PLEKHH2: variants seen among roughly 807,000 people sequenced by gnomAD.
The protein encoded by PLEKHH2 is pleckstrin homology, MyTH4 and FERM domain containing H2, also known as pleckstrin homology domain-containing family H member 2.
Under a neutral mutation model 187.9 loss-of-function variants are expected in PLEKHH2, and 129 were observed. The observed-to-expected ratio is 0.69, with a 90% CI of 0.59 to 0.79. PLEKHH2 has a LOEUF of 0.79. PLEKHH2 is among the 30% of genes least tolerant of loss of function. The pLI is 0.00. For synonymous variants in PLEKHH2, 686 were observed against 605.6 expected, an observed-to-expected ratio of 1.13 and a Z score of -1.95; for missense variants, 2,076 against 1,751.2, an observed-to-expected ratio of 1.19 and a Z score of -3.31.
chr2:43,711,027 T>C, intron 14 of PLEKHH2: 3 of 994,438 alleles, frequency 3.0e-6, no homozygotes, highest in African/African-American at 1.7e-5. Context: ...AATATATTGG[T>C]GAGCAGAGGG....
intron 26 of PLEKHH2, 27 bp downstream of exon 26, chr2:43,757,291 A>G (rs1220331381): frequency 2.7e-6 from 4 of 1,487,502 alleles, no homozygotes; most frequent in Admixed American, 4.9e-5. Flanking sequence ...AACTCTTTAT[A>G]GGGTAGGGTC....
At position 43,706,410 on chromosome 2, in the gene PLEKHH2, G is replaced by C. The variant is rs1250080372; in HGVS notation, c.1815G>C (p.Leu605Phe). ...TGACCACCCCAGTGTATACAACTTT[G>C]AAGGGGGTAACTCATTATTGTTATT... is the stretch of plus-strand genomic sequence containing the variant. ...KNMTTPVYTT[L>F]KGKATQISSS... The change falls in exon 10 of 30, where the codon TTG becomes TTC. Residue 605 changes from leucine (L) to phenylalanine (F), a missense_variant. Leu to Phe is a conservative substitution (Grantham distance 22). Coordinates refer to ENST00000282406, the MANE Select transcript of PLEKHH2 (RefSeq NM_172069.4). The C allele has an allele frequency of 1.3e-6, 2 of 1,573,332 alleles. No homozygotes were observed. Among genetic ancestry groups the C allele is most frequent in the Admixed American group, 3.4e-5 (2 of 59,536 alleles).
At chr2:43,671,103 C>T (rs1048852058) in intron 2 of PLEKHH2, among the ~76,000 whole-genome samples, 4 of 151,970 alleles carry the variant, frequency 2.6e-5, no homozygotes, top group African/African-American at 9.6e-5. Flanking sequence ...CCTGCCTCTG[C>T]CCCCCACTGA....
At chr2:43,731,750 A>C (rs1457023243) in intron 19 of PLEKHH2, 148 bp downstream of exon 19, 3 of 580,132 alleles carry the variant, frequency 5.2e-6, no homozygotes, top group African/African-American at 3.8e-5. Context: ...AATATCATTG[A>C]AATAAAATTA....
rs775371172 is a variant in PLEKHH2, at chr2:43,729,697, G to A, written c.2782G>A (p.Glu928Lys). The change falls in exon 18 of 30, where the codon GAA becomes AAA. Residue 928 changes from glutamate to lysine, a missense_variant. By Grantham distance (56) the Glu-to-Lys change is moderately conservative. Coordinates refer to ENST00000282406, the MANE Select transcript of PLEKHH2 (RefSeq NM_172069.4). ...AAGCAACAATGTAAACGTTGGATCT[G>A]AATTTGAACAACTGGTTTGCAAATT... ...AGSNNVNVGSEFEQLVCKLLN... is the reference protein window; with the variant it reads ...AGSNNVNVGSKFEQLVCKLLN... 5.0e-6 allele frequency: 8 copies of A among 1,609,500 alleles called. No homozygotes were observed. In the East Asian group the frequency reaches 1.8e-4, roughly 36 times the overall value.
intron 3 of PLEKHH2, among the ~76,000 whole-genome samples, chr2:43,684,323 G>A (rs1486896900): frequency 6.6e-6 from 1 of 150,798 alleles, no homozygotes; most frequent in Non-Finnish European, 1.5e-5. Flanking sequence ...GTCTCTATAT[G>A]TAATCTATCT....
chr2:43,682,456 A>G (rs982666994), intron 3 of PLEKHH2, among the ~76,000 whole-genome samples: 12 of 151,872 alleles, frequency 7.9e-5, no homozygotes, highest in Non-Finnish European at 1.6e-4. Flanking sequence ...ATAGGCACCC[A>G]CCACCACGCC....
intron 25 of PLEKHH2, among the ~76,000 whole-genome samples, chr2:43,754,873 T>TA: frequency 6.7e-6 from 1 of 148,338 alleles, no homozygotes; most frequent in African/African-American, 2.5e-5. Flanking sequence ...AATCAACTTT[T>TA]TTTTTTTTTT....
At chr2:43,646,140 A>G (rs1011892862) in intron 2 of PLEKHH2, among the ~76,000 whole-genome samples, 2 of 152,244 alleles carry the variant, frequency 1.3e-5, no homozygotes, top group African/African-American at 2.4e-5. Flanking sequence ...CTGAACTTCA[A>G]TGTGCTTTAT....
At chr2:43,736,924 G>A (rs913738261) in intron 19 of PLEKHH2, among the ~76,000 whole-genome samples, 2 of 152,166 alleles carry the variant, frequency 1.3e-5, no homozygotes, top group African/African-American at 4.8e-5. Flanking sequence ...GAACTGATAA[G>A]CATGTGTGTA....
intron 15 of PLEKHH2, among the ~76,000 whole-genome samples, chr2:43,715,980 A>G (rs577913381): frequency 6.6e-6 from 1 of 152,290 alleles, no homozygotes; most frequent in East Asian, 1.9e-4. Context: ...GAGGTCTGAG[A>G]GTAATGCCTG....
At chr2:43,693,510 G>C (rs904806253) in intron 4 of PLEKHH2, among the ~76,000 whole-genome samples, 2 of 152,060 alleles carry the variant, frequency 1.3e-5, no homozygotes, top group Admixed American at 1.3e-4. Context: ...TGGATCACGA[G>C]GTCAGGAGAT....
chr2:43,753,901 A>G, intron 25 of PLEKHH2, 141 bp downstream of exon 25: 5 of 680,188 alleles, frequency 7.4e-6, no homozygotes, highest in Non-Finnish European at 9.0e-6. Flanking sequence ...TACAGGCACT[A>G]TAATTATAGT....
At position 43,766,650 on chromosome 2, in the gene PLEKHH2, G is replaced by GAACC; in HGVS notation, c.*1053_*1054insACCA. On this transcript the variant is annotated 3_prime_UTR_variant, in exon 30 of 30. Coordinates refer to ENST00000282406, the MANE Select transcript of PLEKHH2 (RefSeq NM_172069.4). The stretch of plus-strand genomic sequence containing the variant: ...GGTCTCACTCTGGTTGCCCAGGCTG[G>GAACC]AGTGCAGTGGTGCCATCATAGCTCA... The GAACC allele has an allele frequency of 6.6e-6, 1 of 152,284 alleles. No individual in the cohort carries two copies. The highest frequency in any genetic ancestry group is 2.1e-4 in the South Asian group (1 of 4,832). 9.4% of individuals were successfully genotyped at this position (152,284 alleles called of 1,614,324 possible).
chr2:43,760,917 A>T (rs1672404388), intron 27 of PLEKHH2, among the ~76,000 whole-genome samples: 1 of 152,156 alleles, frequency 6.6e-6, no homozygotes, highest in Non-Finnish European at 1.5e-5. Flanking sequence ...GGCTTATTTC[A>T]CTTAGTGTAA....
chr2:43,680,238 C>T (rs1668099250), intron 3 of PLEKHH2, among the ~76,000 whole-genome samples: 1 of 152,074 alleles, frequency 6.6e-6, no homozygotes, highest in Admixed American at 6.5e-5. Context: ...CTTAAAGAGC[C>T]AGCTTTCTAT....
chr2:43,741,233 G>A (rs1572648005), intron 21 of PLEKHH2, 190 bp downstream of exon 21: 1 of 423,966 alleles, frequency 2.4e-6, no homozygotes, highest in Non-Finnish European at 4.0e-6. Context: ...AAATCTCTTA[G>A]GGAAGATTGC....
Position 43,697,351 on chromosome 2 carries a change from T to C in PLEKHH2, c.683T>C (p.Met228Thr). The change falls in exon 7 of 30, where the codon ATG becomes ACG. Residue 228 changes from methionine (M) to threonine (T), a missense_variant. Met to Thr is a moderately conservative substitution (Grantham distance 81). Transcript: ENST00000282406. ...KEPEFTEGKDMEEMEIPEKSV... is the reference protein window; with the variant it reads ...KEPEFTEGKDTEEMEIPEKSV... ...CCTGAGTTCACTGAAGGAAAAGACA[T>C]GGAAGGTATTTATGAACTACAGGAA... 6.2e-7 allele frequency: 1 copy of C among 1,607,380 alleles called. No homozygotes were observed. Among genetic ancestry groups the C allele is most frequent in the Non-Finnish European group, 8.5e-7 (1 of 1,176,890 alleles).
chr2:43,681,497 A>C, intron 3 of PLEKHH2: 1 of 1,544,584 alleles, frequency 6.5e-7, no homozygotes, highest in Admixed American at 2.0e-5. Context: ...CCTGGGCATC[A>C]ACGTTATCTT....
Sources: gnomAD v4.1 joint callset for allele counts (sites outside exome capture counted in the v4.1 genomes callset) on GRCh38, gnomAD v4.1.1 for gene constraint, MANE v1.5 for transcripts, NCBI Gene and HGNC (gene_info 2026-07-23, HGNC 2026-07-21) for gene names.